BNC2: variants seen among roughly 807,000 people sequenced by gnomAD.
BNC2 encodes zinc finger protein basonuclin-2.
A neutral mutation model predicts 76.3 loss-of-function variants in BNC2; 20 were observed. The observed-to-expected ratio is 0.26, with a 90% confidence interval of 0.18 to 0.38. BNC2 has a LOEUF of 0.38. BNC2 is among the 10% of genes least tolerant of loss of function. The pLI is 1.00. For missense variants in BNC2, 1,382 were observed against 1,399.8 expected (o/e 0.99, Z 0.20); for synonymous variants, 582 against 514.8 (o/e 1.13, Z -1.77).
intron 1 of BNC2, among the ~76,000 whole-genome samples, chr9:16,854,368 T>C (rs1819201633): frequency 6.6e-6 from 1 of 152,248 alleles, no homozygotes; most frequent in South Asian, 2.1e-4. Flanking sequence ...TATTTTAGGA[T>C]GGAAAAGAGA....
chr9:16,573,221 C>CAAAA (rs5896694), intron 4 of BNC2, among the ~76,000 whole-genome samples: 1 of 96,570 alleles, frequency 1.0e-5, no homozygotes, highest in Non-Finnish European at 2.1e-5. Context: ...GACCCTGTCT[C>CAAAA]AAAAAAAAAA....
intron 1 of BNC2, among the ~76,000 whole-genome samples, chr9:16,791,828 C>T (rs186857704): frequency 1.3e-5 from 2 of 152,262 alleles, no homozygotes; most frequent in East Asian, 1.9e-4. Context: ...AGAGGCCAGG[C>T]ACGGCGGCTC....
intron 1 of BNC2, among the ~76,000 whole-genome samples, chr9:16,763,212 TAG>T (rs1355481798): frequency 6.6e-6 from 1 of 152,190 alleles, no homozygotes; most frequent in Non-Finnish European, 1.5e-5. Flanking sequence ...TTTATTTTTA[TAG>T]AGAGTAATTC....
chr9:16,866,642 T>C (rs1819550985), intron 1 of BNC2, among the ~76,000 whole-genome samples: 1 of 144,634 alleles, frequency 6.9e-6, no homozygotes, highest in African/African-American at 2.6e-5. Context: ...TTGTAGAAAG[T>C]TCTTTTGCTT....
chr9:16,670,953 C>A (rs983979710), intron 3 of BNC2, among the ~76,000 whole-genome samples: 1 of 152,160 alleles, frequency 6.6e-6, no homozygotes, highest in Admixed American at 6.5e-5. Context: ...CCTGAGCTTG[C>A]CCCACCTGAG....
At chr9:16,571,450 A>T (rs921161613) in intron 4 of BNC2, among the ~76,000 whole-genome samples, 5 of 152,194 alleles carry the variant, frequency 3.3e-5, no homozygotes, top group Admixed American at 3.3e-4. Context: ...GTTTCCAAGT[A>T]GAAAATGTTA....
Position 16,795,585 on chromosome 9 carries a change from G to A in BNC2, c.4-57100C>T, listed in dbSNP as rs1397823292. Among the ~76,000 whole-genome samples the A allele has an allele frequency of 5.9e-5, 9 of 152,182 alleles. No individual in the cohort carries two copies. In the East Asian group the frequency reaches 1.7e-3, roughly 29 times the overall value. On this transcript the variant is annotated intron_variant, in intron 1 of 6. Coordinates refer to ENST00000380672, the MANE Select transcript of BNC2 (RefSeq NM_017637.6). ...CATCACTGCCAGCGAGAGGAGGATG[G>A]TGACACCATTAACCAACATTCCCAG...
intron 1 of BNC2, among the ~76,000 whole-genome samples, chr9:16,803,024 T>C (rs759946845): frequency 3.3e-5 from 5 of 152,196 alleles, no homozygotes; most frequent in Admixed American, 2.0e-4. Context: ...TCCCCAAGTG[T>C]CTCTCACTTC....
chr9:16,761,956 C>CA (rs1199833809), intron 1 of BNC2, among the ~76,000 whole-genome samples: 1 of 152,026 alleles, frequency 6.6e-6, no homozygotes, highest in Non-Finnish European at 1.5e-5. Flanking sequence ...TCATGATACT[C>CA]AAAGTACCAA....
intron 5 of BNC2, chr9:16,473,204 A>G (rs990569911): frequency 6.6e-6 from 1 of 152,232 alleles, no homozygotes; most frequent in Non-Finnish European, 1.5e-5. Context: ...TTTAATTAGC[A>G]TTATACAGTG....
chr9:16,490,605 C>T lies in BNC2; in HGVS notation c.670-53081G>A, dbSNP rs570066528. On this transcript the variant is annotated intron_variant, in intron 5 of 6. Coordinates refer to ENST00000380672, the MANE Select transcript of BNC2 (RefSeq NM_017637.6). ...GTGTGTATGTGTGTGTTTAAGGACA[C>T]ATCTGTTTTCCATTAGACTGTGAGC... is the stretch of plus-strand genomic sequence containing the variant. Among the ~76,000 whole-genome samples the T allele has an allele frequency of 2.6e-4, 39 of 152,220 alleles. 1 individual carries two copies. The South Asian group carries it at 7.7e-3, about 30-fold the overall frequency.
chr9:16,642,226 A>C (rs547968901), intron 3 of BNC2, among the ~76,000 whole-genome samples: 1 of 152,326 alleles, frequency 6.6e-6, no homozygotes, highest in South Asian at 2.1e-4. Flanking sequence ...TGAGCACATA[A>C]GGATTTTTTT....
chr9:16,818,537 G>C (rs771219667), intron 1 of BNC2, among the ~76,000 whole-genome samples: 8 of 152,200 alleles, frequency 5.3e-5, no homozygotes, highest in Non-Finnish European at 8.8e-5. Context: ...TTCGATCACA[G>C]GCAAGGAGCT....
intron 5 of BNC2, among the ~76,000 whole-genome samples, chr9:16,514,083 G>A (rs562976185): frequency 3.9e-5 from 6 of 152,244 alleles, no homozygotes; most frequent in Non-Finnish European, 5.9e-5. Context: ...GGATGTCACA[G>A]TTTTCCAGTG....
At position 16,416,375 on chromosome 9, in the gene BNC2, C is replaced by T. The variant is rs1368549424; in HGVS notation, c.*2614G>A. On this transcript the variant is annotated 3_prime_UTR_variant, in exon 7 of 7. Coordinates refer to ENST00000380672, the MANE Select transcript of BNC2 (RefSeq NM_017637.6). ...ACCATTTGGTAATGGGGCAACAGCACAACACAGAGAACGCTGAGAGGACCA... is the reference window on the plus strand; with the variant it reads ...ACCATTTGGTAATGGGGCAACAGCATAACACAGAGAACGCTGAGAGGACCA... The T allele has an allele frequency of 6.6e-6, 1 of 152,580 alleles. No homozygotes were observed. The highest frequency in any genetic ancestry group is 6.5e-5 in the Admixed American group (1 of 15,270). The allele number at this position is 152,580 out of a possible 1,614,324, so 9.5% of individuals were successfully genotyped here.
chr9:16,703,612 A>C (rs1823578198), intron 3 of BNC2, among the ~76,000 whole-genome samples: 1 of 152,192 alleles, frequency 6.6e-6, no homozygotes, highest in African/African-American at 2.4e-5. Context: ...AAATAATGTC[A>C]ATATATATGT....
At chr9:16,801,127 T>A (rs750751124) in intron 1 of BNC2, among the ~76,000 whole-genome samples, 26 of 152,288 alleles carry the variant, frequency 1.7e-4, no homozygotes, top group Non-Finnish European at 3.5e-4. Flanking sequence ...CCTACACAAT[T>A]CTCCGTATTT....
chr9:16,588,147 C>G (rs1711807647), intron 3 of BNC2, among the ~76,000 whole-genome samples: 2 of 152,082 alleles, frequency 1.3e-5, no homozygotes, highest in African/African-American at 2.4e-5. Context: ...GCAACAGTGG[C>G]AAAACACTCA....
intron 5 of BNC2, among the ~76,000 whole-genome samples, chr9:16,471,955 C>T (rs1821834985): frequency 6.6e-6 from 1 of 152,170 alleles, no homozygotes; most frequent in Non-Finnish European, 1.5e-5. Flanking sequence ...GGGCTTTCTG[C>T]TTTTGCTTCT....
Sources: gnomAD v4.1 joint callset for allele counts (sites outside exome capture counted in the v4.1 genomes callset) on GRCh38, gnomAD v4.1.1 for gene constraint, MANE v1.5 for transcripts, NCBI Gene and HGNC (gene_info 2026-07-23, HGNC 2026-07-21) for gene names.